RASGEF1C: variants seen among roughly 807,000 people sequenced by gnomAD.
RASGEF1C encodes RasGEF domain family member 1C.
In RASGEF1C, 27 loss-of-function variants were observed where a neutral mutation model predicts 58.1. The observed-to-expected ratio is 0.46, with a 90% CI of 0.34 to 0.64. RASGEF1C has a LOEUF of 0.64. Among genes scored for constraint, RASGEF1C ranks in the 30% least tolerant of loss-of-function variants. The pLI, the probability that RASGEF1C is intolerant of heterozygous loss-of-function variation, is 0.01. For missense variants in RASGEF1C, 502 were observed against 605.1 expected (o/e 0.83, Z 1.79); for synonymous variants, 243 against 246.3 (o/e 0.99, Z 0.13).
intron 1 of RASGEF1C, among the ~76,000 whole-genome samples, chr5:180,190,918 A>G (rs958299219): frequency 6.6e-6 from 1 of 152,200 alleles, no homozygotes; most frequent in African/African-American, 2.4e-5. Context: ...TTTATAGATT[A>G]CCTATTTGAT....
At position 180,136,308 on chromosome 5, in the gene RASGEF1C, G is replaced by A. The variant is rs369795696; in HGVS notation, c.438+70C>T. 8,687 of 1,459,712 alleles carry A rather than the reference G, an allele frequency of 6.0e-3. 70 individuals are homozygous for A. Among genetic ancestry groups the A allele is most frequent in the South Asian group, 0.019 (1,387 of 74,704 alleles). 90.4% of individuals were successfully genotyped at this position (1,459,712 alleles called of 1,614,324 possible). ...TGGGGAGATGAGGGCCCTGGGGTGC[G>A]GGCCGGGAACAGGCGCAGGCCTGGG... On this transcript the variant is annotated intron_variant, in intron 4 of 13. Coordinates refer to ENST00000361132, the MANE Select transcript of RASGEF1C (RefSeq NM_175062.4).
Position 180,207,521 on chromosome 5 carries a change from C to G in RASGEF1C, c.-7+1507G>C, listed in dbSNP as rs75732009. ...CGGGGACATGGCAGGAGGGTGCAGA[C>G]CCCGGCCTGAAAAGGGCCAGGTCCC... On this transcript the variant is annotated intron_variant, in intron 1 of 13. Coordinates refer to ENST00000361132, the MANE Select transcript of RASGEF1C (RefSeq NM_175062.4). Among the ~76,000 whole-genome samples, 1,145 of 152,242 alleles carry G rather than the reference C, an allele frequency of 7.5e-3. 14 individuals carry two copies. Among genetic ancestry groups the G allele is most frequent in the African/African-American group, 0.026 (1,092 of 41,552 alleles).
In RASGEF1C at chr5:180,114,553, A is replaced by G. The variant is rs1019717988; in HGVS notation, c.1084-12T>C. On this transcript the variant is annotated splice_polypyrimidine_tract_variant and intron_variant, in intron 10 of 13. Transcript: ENST00000361132. ...AAAGGAATGACAATCTGGAAGAAAG[A>G]GGGGGCAGGTCGGCCCCAGCCGGCC... The G allele has an allele frequency of 1.2e-6, 2 of 1,606,066 alleles. No individual in the cohort carries two copies. Among genetic ancestry groups the G allele is most frequent in the African/African-American group, 1.3e-5 (1 of 74,846 alleles).
chr5:180,166,616 G>A (rs931871381), intron 1 of RASGEF1C, among the ~76,000 whole-genome samples: 2 of 151,564 alleles, frequency 1.3e-5, no homozygotes, highest in East Asian at 3.9e-4. Flanking sequence ...CCTGGATTAA[G>A]GCGATTCTCC....
intron 10 of RASGEF1C, chr5:180,115,502 A>T (rs1394364115): frequency 9.9e-6 from 2 of 202,242 alleles, no homozygotes; most frequent in African/African-American, 4.6e-5. Flanking sequence ...AGTGGGAGAC[A>T]CAGTTGTAGG....
In RASGEF1C at chr5:180,177,676, T is replaced by C. The variant is rs368086731; in HGVS notation, c.-7+31352A>G. On this transcript the variant is annotated intron_variant, in intron 1 of 13. Transcript: ENST00000361132. The surrounding 1 kb of genome is among the most constrained non-coding windows in gnomAD (Gnocchi z 5.0). Reference sequence around the variant, plus strand: ...TTGGTCTGTGACAGTTGGGATGGCATGTGATCCAGGCCCAGCCACTCAGTG... The same window carrying C: ...TTGGTCTGTGACAGTTGGGATGGCACGTGATCCAGGCCCAGCCACTCAGTG... Among the ~76,000 whole-genome samples the C allele has an allele frequency of 1.3e-5, 2 of 152,228 alleles. No homozygotes were observed. Among genetic ancestry groups the C allele is most frequent in the East Asian group, 1.9e-4 (1 of 5,192 alleles).
chr5:180,174,012 T>C (rs1307942898), intron 1 of RASGEF1C, among the ~76,000 whole-genome samples: 1 of 150,794 alleles, frequency 6.6e-6, no homozygotes, highest in Non-Finnish European at 1.5e-5. Context: ...GTGGGGATGG[T>C]CTCAGAAAGT....
At position 180,127,687 on chromosome 5, in the gene RASGEF1C, C is replaced by G; in HGVS notation, c.640-4G>C. 1.2e-6 allele frequency: 2 copies of G among 1,611,698 alleles called. No individual in the cohort carries two copies. The highest frequency in any genetic ancestry group is 1.7e-6 in the Non-Finnish European group (2 of 1,179,116). ...GCCCGATGTGCCGCAGCCGCTCCTGCAGGGAAGGGTGAAGAGTGGGTAAAA... is the reference window on the plus strand; with the variant it reads ...GCCCGATGTGCCGCAGCCGCTCCTGGAGGGAAGGGTGAAGAGTGGGTAAAA... On this transcript the variant is annotated splice_region_variant and splice_polypyrimidine_tract_variant and intron_variant, in intron 5 of 13. Transcript: ENST00000361132.
At chr5:180,148,199 T>C (rs1766688390) in intron 1 of RASGEF1C, among the ~76,000 whole-genome samples, 1 of 152,208 alleles carries the variant, frequency 6.6e-6, no homozygotes, top group Non-Finnish European at 1.5e-5. Flanking sequence ...TGGAGTATCT[T>C]TTTCAGTCCC....
At chr5:180,119,928 G>C (rs1422248957) in intron 7 of RASGEF1C, among the ~76,000 whole-genome samples, 1 of 151,980 alleles carries the variant, frequency 6.6e-6, no homozygotes, top group Non-Finnish European at 1.5e-5. Flanking sequence ...CCAGGCGCTC[G>C]GGACTTCAGA....
chr5:180,173,443 G>A (rs1206524968), intron 1 of RASGEF1C, among the ~76,000 whole-genome samples: 3 of 152,196 alleles, frequency 2.0e-5, no homozygotes, highest in Admixed American at 2.0e-4. Context: ...ATCCCACACT[G>A]ACTACAGCTG....
At chr5:180,126,263 C>T (rs1341814025) in intron 6 of RASGEF1C, among the ~76,000 whole-genome samples, 1 of 152,060 alleles carries the variant, frequency 6.6e-6, no homozygotes, top group Non-Finnish European at 1.5e-5. Flanking sequence ...AAAAATTAGC[C>T]GGGTGTTGTG....
Position 180,111,706 on chromosome 5 carries a change from A to AG in RASGEF1C, c.1180-127dup. The AG allele has an allele frequency of 3.0e-6, 3 of 1,008,732 alleles. No individual in the cohort carries two copies. In the South Asian group the frequency reaches 4.5e-5, roughly 15 times the overall value. The allele number at this position is 1,008,732 out of a possible 1,614,324, so 62.5% of individuals were successfully genotyped here. A position where few individuals can be genotyped will look rare whatever the true frequency, so the allele number is the denominator to read the frequency against. On this transcript the variant is annotated intron_variant, in intron 11 of 13. Transcript: ENST00000361132. ...TGGCTTTAGGGCTCTGAGGAGGAGC[A>AG]GGGGGCGATAAATGAGGGCGAGAGC...
At chr5:180,167,446 G>A (rs961912096) in intron 1 of RASGEF1C, among the ~76,000 whole-genome samples, 5 of 151,998 alleles carry the variant, frequency 3.3e-5, no homozygotes, top group Admixed American at 6.6e-5. Flanking sequence ...CCAAGATTGC[G>A]CCACTGCACT....
chr5:180,171,221 C>A (rs72821992), intron 1 of RASGEF1C, among the ~76,000 whole-genome samples: 1,992 of 152,138 alleles, frequency 0.013, 21 homozygotes, highest in Non-Finnish European at 0.021. Context: ...GGGTCTGAGG[C>A]TTCTGAGCTG....
intron 1 of RASGEF1C, among the ~76,000 whole-genome samples, chr5:180,153,919 C>G (rs930566106): frequency 1.3e-5 from 2 of 152,200 alleles, no homozygotes; most frequent in South Asian, 4.1e-4. Flanking sequence ...TCCCAGTCCC[C>G]GTACTCCAAA....
At chr5:180,189,655 C>T (rs544169010) in intron 1 of RASGEF1C, among the ~76,000 whole-genome samples, 11 of 152,150 alleles carry the variant, frequency 7.2e-5, no homozygotes, top group Non-Finnish European at 1.5e-4. Context: ...CGCCTGGTGG[C>T]TCTCACCTGT....
chr5:180,125,241 T>C (rs1766236570), intron 6 of RASGEF1C, among the ~76,000 whole-genome samples: 1 of 152,152 alleles, frequency 6.6e-6, no homozygotes. Flanking sequence ...GAAGAGAATA[T>C]GTGAGTAACA....
chr5:180,152,737 C>T (rs1766781604), intron 1 of RASGEF1C, among the ~76,000 whole-genome samples: 1 of 150,872 alleles, frequency 6.6e-6, no homozygotes, highest in Admixed American at 6.6e-5. Context: ...AGAAAGAAAA[C>T]CTGTCTCTAC....
Sources: gnomAD v4.1 joint callset for allele counts (sites outside exome capture counted in the v4.1 genomes callset) on GRCh38, gnomAD v4.1.1 for gene constraint, Gnocchi (gnomAD v3.1) non-coding constraint, MANE v1.5 for transcripts, NCBI Gene and HGNC (gene_info 2026-07-23, HGNC 2026-07-21) for gene names.